PTBP3: variants seen among roughly 807,000 people sequenced by gnomAD.
The protein encoded by PTBP3 is polypyrimidine tract-binding protein 3.
Under a neutral mutation model 58.7 loss-of-function variants are expected in PTBP3, and 20 were observed. That is an observed-to-expected ratio of 0.34 (90% CI 0.24 to 0.50). PTBP3 has a LOEUF of 0.50. Among genes scored for constraint, PTBP3 ranks in the 20% least tolerant of loss-of-function variants. PTBP3 has a pLI of 0.98. For missense variants in PTBP3, 509 were observed against 637.2 expected (o/e 0.80, Z 2.17); for synonymous variants, 185 against 219.8 (o/e 0.84, Z 1.40).
chr9:112,366,108 C>G, the PTBP3 span, among the ~76,000 whole-genome samples: 1 of 146,120 alleles, frequency 6.8e-6, no homozygotes, highest in Admixed American at 6.7e-5. Flanking sequence ...CATGGTGAAA[C>G]CCAGTCTCTA....
In PTBP3 at chr9:112,245,203, C is replaced by T. The variant is rs551917625; in HGVS notation, c.802+5726G>A. On this transcript the variant is annotated intron_variant, in intron 7 of 13. Transcript: ENST00000374257. The stretch of plus-strand genomic sequence containing the variant: ...GTGCACATCTGTAGTCCCAGCTACT[C>T]GCAGGCTGAGGCATGAGAACTGCTT... Among the ~76,000 whole-genome samples, 19 of 152,192 alleles carry T rather than the reference C, an allele frequency of 1.2e-4. 1 individual carries two copies. In the South Asian group the frequency reaches 3.9e-3, roughly 32 times the overall value.
At chr9:112,263,805 A>C (rs569186013) in intron 4 of PTBP3, among the ~76,000 whole-genome samples, 2 of 152,296 alleles carry the variant, frequency 1.3e-5, no homozygotes, top group African/African-American at 4.8e-5. Context: ...TTTGTAGGAA[A>C]TGCAGGCTAA....
the PTBP3 span, among the ~76,000 whole-genome samples, chr9:112,364,634 A>G: frequency 2.2e-4 from 33 of 152,230 alleles, 1 homozygote; most frequent in Admixed American, 9.2e-4. Flanking sequence ...CCCTGTCTCT[A>G]TTTTTAAAAA....
At chr9:112,375,166 G>C in the PTBP3 span, among the ~76,000 whole-genome samples, 1 of 152,208 alleles carries the variant, frequency 6.6e-6, no homozygotes, top group Non-Finnish European at 1.5e-5. Context: ...CCTCTGCTAA[G>C]GTCACCCGTT....
At chr9:112,332,113 A>G (rs1830399638) in intron 1 of PTBP3, among the ~76,000 whole-genome samples, 1 of 152,216 alleles carries the variant, frequency 6.6e-6, no homozygotes, top group Admixed American at 6.5e-5. Flanking sequence ...AACTTCAATC[A>G]AACAATAAAA....
the PTBP3 span, among the ~76,000 whole-genome samples, chr9:112,358,340 C>G: frequency 1.4e-4 from 22 of 152,184 alleles, no homozygotes; most frequent in African/African-American, 4.8e-4. Flanking sequence ...AGGAGGGTGC[C>G]ACTGATGCTA....
chr9:112,295,752 A>G (rs1828652683), intron 2 of PTBP3, among the ~76,000 whole-genome samples: 1 of 152,216 alleles, frequency 6.6e-6, no homozygotes, highest in African/African-American at 2.4e-5. Context: ...CATAAAATAG[A>G]ACCTAAAAAC....
chr9:112,299,945 G>T (rs571392352), intron 1 of PTBP3, among the ~76,000 whole-genome samples: 1 of 152,110 alleles, frequency 6.6e-6, no homozygotes, highest in Non-Finnish European at 1.5e-5. Context: ...AAGTGAACAA[G>T]AAATAAATGT....
At chr9:112,227,695 A>G in intron 11 of PTBP3, 68 bp from the exon 12 acceptor site, 2 of 1,131,128 alleles carry the variant, frequency 1.8e-6, no homozygotes, top group South Asian at 1.3e-5. Flanking sequence ...ATCTGACAAC[A>G]TTACCATAAA....
At chr9:112,324,240 T>C (rs1466865005) in intron 1 of PTBP3, among the ~76,000 whole-genome samples, 2 of 152,102 alleles carry the variant, frequency 1.3e-5, no homozygotes, top group Non-Finnish European at 2.9e-5. Context: ...TCAATGGACC[T>C]GCGAAAAGTT....
At chr9:112,270,154 C>T (rs944664161) in intron 3 of PTBP3, among the ~76,000 whole-genome samples, 1 of 152,108 alleles carries the variant, frequency 6.6e-6, no homozygotes, top group Admixed American at 6.6e-5. Flanking sequence ...GCCATGAAGG[C>T]TGGTCTTGAA....
chr9:112,332,383 A>T (rs201702537), intron 1 of PTBP3, among the ~76,000 whole-genome samples: 43 of 151,964 alleles, frequency 2.8e-4, no homozygotes, highest in African/African-American at 9.6e-4. Context: ...GGAAGATTTC[A>T]TCTTCAAATA....
the PTBP3 span, among the ~76,000 whole-genome samples, chr9:112,369,740 G>A: frequency 1.3e-5 from 2 of 152,136 alleles, no homozygotes; most frequent in African/African-American, 2.4e-5. Flanking sequence ...TTTGAAATGC[G>A]AGGACAGGAG....
intron 2 of PTBP3, among the ~76,000 whole-genome samples, chr9:112,279,850 T>C (rs1454330924): frequency 3.3e-5 from 5 of 152,212 alleles, no homozygotes. Context: ...AGTGTAATGG[T>C]CTCACACATA....
At chr9:112,320,064 T>C (rs975457497) in intron 1 of PTBP3, among the ~76,000 whole-genome samples, 16 of 151,962 alleles carry the variant, frequency 1.1e-4, no homozygotes, top group African/African-American at 3.9e-4. Flanking sequence ...AAATTTCAGT[T>C]AGCAGAAATA....
chr9:112,326,636 A>G (rs1180149776), intron 1 of PTBP3, among the ~76,000 whole-genome samples: 1 of 152,256 alleles, frequency 6.6e-6, no homozygotes, highest in African/African-American at 2.4e-5. Context: ...AGGAAAACCC[A>G]GAAAAAGTCT....
rs1834806028 is a variant in PTBP3, at chr9:112,221,533, G to C, written c.*2318C>G. On this transcript the variant is annotated 3_prime_UTR_variant, in exon 14 of 14. Transcript: ENST00000374257. ...ACATGGCACTGAAAATTATAATAGT[G>C]CCTGTGTGGAAGGGAAAAAAAAGCA... 4 of 985,570 alleles carry C rather than the reference G, an allele frequency of 4.1e-6. No homozygotes were observed. The South Asian group carries it at 1.9e-4, about 46-fold the overall frequency. 61.1% of individuals were successfully genotyped at this position (985,570 alleles called of 1,614,324 possible).
chr9:112,255,761 T>C (rs1171409191), intron 5 of PTBP3, among the ~76,000 whole-genome samples: 1 of 152,122 alleles, frequency 6.6e-6, no homozygotes, highest in Non-Finnish European at 1.5e-5. Flanking sequence ...TTCTCCAAAT[T>C]TACCAAGTGA....
chr9:112,305,367 T>C (rs1829138296), intron 1 of PTBP3, among the ~76,000 whole-genome samples: 1 of 151,976 alleles, frequency 6.6e-6, no homozygotes, highest in African/African-American at 2.4e-5. Context: ...GTAGGAGCTT[T>C]GGGTCACACC....
Sources: allele counts gnomAD v4.1 joint callset (sites outside exome capture counted in the v4.1 genomes callset), GRCh38; gene constraint gnomAD v4.1.1; transcripts MANE v1.5; gene names NCBI Gene and HGNC (gene_info 2026-07-23, HGNC 2026-07-21).